The following RALGPS1 variants were observed in gnomAD, a reference collection of about 807,000 sequenced individuals.
RALGPS1 encodes ras-specific guanine nucleotide-releasing factor RalGPS1.
RALGPS1 carries 19 observed loss-of-function variants against 78.8 expected under a neutral mutation model. That is an observed-to-expected ratio of 0.24 (90% confidence interval 0.17 to 0.35). RALGPS1 has a LOEUF of 0.35. Among genes scored for constraint, RALGPS1 ranks in the 10% least tolerant of loss-of-function variants. The probability of loss-of-function intolerance (pLI) is 1.00; values close to 1 mark genes in which losing one functional copy is unlikely to be tolerated. For missense variants in RALGPS1, 454 were observed against 688.3 expected (o/e 0.66, Z 3.81); for synonymous variants, 228 against 256.3 (o/e 0.89, Z 1.06).
intron 8 of RALGPS1, among the ~76,000 whole-genome samples, chr9:127,113,704 GT>G (rs1264627934): frequency 1.3e-5 from 2 of 152,198 alleles, no homozygotes; most frequent in African/African-American, 2.4e-5. Context: ...TCACGCATGG[GT>G]TTTCCCTCCC....
intron 5 of RALGPS1, among the ~76,000 whole-genome samples, chr9:127,040,054 C>G (rs987201242): frequency 2.0e-5 from 3 of 152,162 alleles, no homozygotes; most frequent in Admixed American, 2.0e-4. Flanking sequence ...GTTGGCAAAG[C>G]AGATTTTTTG....
At chr9:127,182,710 TGAGTC>T (rs2060353470) in intron 11 of RALGPS1, among the ~76,000 whole-genome samples, 1 of 152,056 alleles carries the variant, frequency 6.6e-6, no homozygotes, top group South Asian at 2.1e-4. Context: ...ATTACAGGCG[TGAGTC>T]ACCATGCCCA....
intron 8 of RALGPS1, among the ~76,000 whole-genome samples, chr9:127,143,874 T>C (rs553790772): frequency 2.0e-5 from 3 of 152,374 alleles, no homozygotes; most frequent in Non-Finnish European, 2.9e-5. Flanking sequence ...GGAGTCCTCG[T>C]TGGAGAATGT....
intron 8 of RALGPS1, chr9:127,087,684 T>G (rs2051932065): frequency 6.6e-6 from 1 of 152,266 alleles, no homozygotes; most frequent in South Asian, 2.1e-4. Context: ...AGGGGTCCGG[T>G]GACCCCTGAT....
chr9:127,083,058 C>A (rs1025191024), intron 8 of RALGPS1, among the ~76,000 whole-genome samples: 8 of 152,174 alleles, frequency 5.3e-5, no homozygotes, highest in African/African-American at 1.9e-4. Flanking sequence ...GGAATAGGAT[C>A]CCATCTGATG....
intron 1 of RALGPS1, among the ~76,000 whole-genome samples, chr9:126,943,158 A>C (rs928804540): frequency 6.6e-6 from 1 of 151,266 alleles, no homozygotes; most frequent in Non-Finnish European, 1.5e-5. Flanking sequence ...TTCTTTTTTG[A>C]GATGGAGTCT....
chr9:127,046,276 A>G (rs1221589688), intron 5 of RALGPS1, among the ~76,000 whole-genome samples: 1 of 152,194 alleles, frequency 6.6e-6, no homozygotes, highest in East Asian at 1.9e-4. Context: ...GTAACTTCCC[A>G]CTTGTTAAAT....
intron 1 of RALGPS1, among the ~76,000 whole-genome samples, chr9:126,939,807 G>A (rs2036589811): frequency 6.6e-6 from 1 of 152,252 alleles, no homozygotes; most frequent in Non-Finnish European, 1.5e-5. Flanking sequence ...GCATGTCAGA[G>A]TGACAAGCGT....
intron 10 of RALGPS1, among the ~76,000 whole-genome samples, chr9:127,172,105 G>A (rs1231254394): frequency 6.6e-6 from 1 of 152,118 alleles, no homozygotes; most frequent in Non-Finnish European, 1.5e-5. Context: ...TAATTTAGCT[G>A]CGTTTCATCA....
At chr9:126,973,042 A>T (rs1342318260) in intron 3 of RALGPS1, among the ~76,000 whole-genome samples, 1 of 151,948 alleles carries the variant, frequency 6.6e-6, no homozygotes, top group East Asian at 1.9e-4. Context: ...AACCTGGGCG[A>T]CAGAGCGAGA....
chr9:127,124,839 C>T (rs1317355465), intron 8 of RALGPS1, among the ~76,000 whole-genome samples: 1 of 152,180 alleles, frequency 6.6e-6, no homozygotes, highest in Non-Finnish European at 1.5e-5. Context: ...ATGTGAGCTA[C>T]AGACAAAGTG....
intron 14 of RALGPS1, chr9:127,210,577 AG>A (rs754769563): frequency 1.2e-4 from 88 of 707,378 alleles, no homozygotes; most frequent in Non-Finnish European, 2.0e-4. Flanking sequence ...GGAGGGAGGG[AG>A]GTTGCTCTGC....
At chr9:127,019,198 A>ACTT (rs2045202267) in intron 4 of RALGPS1, among the ~76,000 whole-genome samples, 4 of 152,242 alleles carry the variant, frequency 2.6e-5, no homozygotes, top group Admixed American at 2.6e-4. Flanking sequence ...GAGAGTTAAG[A>ACTT]AACAGTCACT....
intron 11 of RALGPS1, among the ~76,000 whole-genome samples, chr9:127,182,178 TAAA>T (rs74348799): frequency 7.1e-5 from 10 of 141,494 alleles, no homozygotes; most frequent in South Asian, 4.6e-4. Context: ...CCCATCTGTT[TAAA>T]AAAAAAAAAA....
Position 127,091,604 on chromosome 9 carries a change from G to GGGGCTC in RALGPS1, c.610+22249_610+22254dup, listed in dbSNP as rs2052483199. ...TTCCCGTTTCCAAGCCCTGGAGTCA[G>GGGGCTC]GGGCTCTGGCTCTGGTTGACCTCTT... On this transcript the variant is annotated intron_variant, in intron 8 of 18. Transcript: ENST00000259351. This position sits in a 1 kb window ranked among gnomAD's most constrained non-coding sequence, Gnocchi z 4.3. 1 of 1,559,280 alleles carries GGGGCTC rather than the reference G, an allele frequency of 6.4e-7. No individual in the cohort carries two copies. Among genetic ancestry groups the GGGGCTC allele is most frequent in the East Asian group, 2.3e-5 (1 of 44,368 alleles).
At chr9:127,073,466 C>CTGTGTGTGTGTGTGTG (rs58611833) in intron 8 of RALGPS1, among the ~76,000 whole-genome samples, 37,508 of 142,760 alleles carry the variant, frequency 0.26, 5,442 homozygotes, top group Non-Finnish European at 0.32. Flanking sequence ...GTGTGTGTGT[C>CTGTGTGTGTGTGTGTG]TGTGTGTGTG....
chr9:126,933,369 C>T (rs573717625), intron 1 of RALGPS1, among the ~76,000 whole-genome samples: 2 of 151,996 alleles, frequency 1.3e-5, no homozygotes, highest in East Asian at 2.0e-4. Flanking sequence ...CCCCAGTCTT[C>T]GGGCAGGGGT....
chr9:127,073,474 G>GTGTGTGTGTGTA (rs2050397899), intron 8 of RALGPS1, among the ~76,000 whole-genome samples: 1 of 151,892 alleles, frequency 6.6e-6, no homozygotes, highest in African/African-American at 2.4e-5. Context: ...GTCTGTGTGT[G>GTGTGTGTGTGTA]TGTGTGTGTG....
chr9:127,093,927 C>T (rs776594639), intron 8 of RALGPS1: 1 of 1,613,474 alleles, frequency 6.2e-7, no homozygotes, highest in Non-Finnish European at 8.5e-7. Flanking sequence ...CTCCATGGGC[C>T]TGGGGACACA....
Sources: gnomAD v4.1 joint callset for allele counts (sites outside exome capture counted in the v4.1 genomes callset) on GRCh38, gnomAD v4.1.1 for gene constraint, Gnocchi (gnomAD v3.1) non-coding constraint, MANE v1.5 for transcripts, NCBI Gene and HGNC (gene_info 2026-07-23, HGNC 2026-07-21) for gene names.